DNAI1: variants seen among roughly 807,000 people sequenced by gnomAD.
DNAI1 encodes the protein dynein axonemal intermediate chain 1.
DNAI1 carries 67 observed loss-of-function variants against 92.0 expected under a neutral mutation model. That is an observed-to-expected ratio of 0.73 (90% CI 0.60 to 0.89). The LOEUF is 0.89. DNAI1 is among the 40% of genes least tolerant of loss of function. The pLI is 0.00. For synonymous variants in DNAI1, 323 were observed against 319.6 expected (o/e 1.01, Z -0.11); for missense variants, 839 against 866.6 (o/e 0.97, Z 0.40).
chr9:34,503,340 A>G (rs1457216147), intron 12 of DNAI1, among the ~76,000 whole-genome samples: 1 of 152,094 alleles, frequency 6.6e-6, no homozygotes. Context: ...GACAGAAGGC[A>G]CCCTAGCTGC....
At chr9:34,482,735 C>T (rs1564030605) in intron 1 of DNAI1, among the ~76,000 whole-genome samples, 1 of 152,284 alleles carries the variant, frequency 6.6e-6, no homozygotes, top group Non-Finnish European at 1.5e-5. Context: ...GCAGGTGAAG[C>T]TGCCTGCCAG....
At position 34,458,850 on chromosome 9, in the gene DNAI1, G is replaced by T; in HGVS notation, c.-156G>T. ...AGGGAGTTGGATTCTATCCTGCAAG[G>T]GCACGGGGACCCACAACGACGGCTG... is the stretch of plus-strand genomic sequence containing the variant. On this transcript the variant is annotated 5_prime_UTR_variant, in exon 1 of 20. Coordinates refer to ENST00000242317, the MANE Select transcript of DNAI1 (RefSeq NM_012144.4). This position sits in a 1 kb window ranked among gnomAD's most constrained non-coding sequence, Gnocchi z 6.6. 1.4e-6 allele frequency: 1 copy of T among 722,790 alleles called. No homozygotes were observed. Among genetic ancestry groups the T allele is most frequent in the Non-Finnish European group, 2.5e-6 (1 of 395,178 alleles). The allele number at this position is 722,790 out of a possible 1,614,324, so 44.8% of individuals were successfully genotyped here. A position where few individuals can be genotyped will look rare whatever the true frequency, so the allele number is the denominator to read the frequency against.
chr9:34,467,440 TACACAC>T (rs3039302), intron 1 of DNAI1, among the ~76,000 whole-genome samples: 10,294 of 137,306 alleles, frequency 0.075, 410 homozygotes, highest in Middle Eastern at 0.086. Flanking sequence ...TCTACACAAA[TACACAC>T]ACACACACAC....
At chr9:34,482,929 C>T (rs187503751) in intron 1 of DNAI1, among the ~76,000 whole-genome samples, 2 of 152,234 alleles carry the variant, frequency 1.3e-5, no homozygotes, top group African/African-American at 2.4e-5. Context: ...AGCTAAGGCC[C>T]GGCGAGAAAT....
At chr9:34,479,776 T>G (rs927952782) in intron 1 of DNAI1, among the ~76,000 whole-genome samples, 1 of 152,166 alleles carries the variant, frequency 6.6e-6, no homozygotes, top group African/African-American at 2.4e-5. Context: ...TTCCCATCAT[T>G]GGAAACCTTG....
intron 1 of DNAI1, among the ~76,000 whole-genome samples, chr9:34,461,565 C>A (rs1319977932): frequency 1.3e-5 from 2 of 152,160 alleles, no homozygotes; most frequent in Admixed American, 6.5e-5. Context: ...GGATGGGTTT[C>A]TCTAGCCCAT....
At chr9:34,474,962 G>A (rs139056903) in intron 1 of DNAI1, among the ~76,000 whole-genome samples, 1 of 152,198 alleles carries the variant, frequency 6.6e-6, no homozygotes, top group African/African-American at 2.4e-5. Context: ...ACAAACTTTG[G>A]TACAAAAAGT....
At chr9:34,473,205 A>G (rs1023022890) in intron 1 of DNAI1, among the ~76,000 whole-genome samples, 1 of 151,680 alleles carries the variant, frequency 6.6e-6, no homozygotes, top group Admixed American at 6.6e-5. Flanking sequence ...TTTAATTGAC[A>G]AAATTGTATA....
At chr9:34,501,916 C>G (rs950185555) in intron 12 of DNAI1, among the ~76,000 whole-genome samples, 1 of 152,242 alleles carries the variant, frequency 6.6e-6, no homozygotes, top group African/African-American at 2.4e-5. Flanking sequence ...CTTCATGTTA[C>G]TTGGTCCCAG....
Position 34,501,155 on chromosome 9 carries a change from A to T in DNAI1, c.1037A>T (p.Asp346Val). The change falls in exon 12 of 20, where the codon GAT (aspartate) becomes GTT (valine). Residue 346 changes from aspartate to valine, a missense_variant. Transcript: ENST00000242317. The part of the protein sequence containing the change: ...TALCWNPKYR[D>V]LFAVGYGSYD... ...TTTTGCAGGAATCCAAAGTACAGGG[A>T]TCTGTTTGCAGTGGGATATGGCTCT... is the stretch of plus-strand genomic sequence containing the variant. The T allele has an allele frequency of 6.2e-7, 1 of 1,613,834 alleles. No homozygotes were observed. The highest frequency in any genetic ancestry group is 2.2e-5 in the East Asian group (1 of 44,884).
At chr9:34,496,291 A>G (rs1208713347) in intron 9 of DNAI1, among the ~76,000 whole-genome samples, 1 of 152,210 alleles carries the variant, frequency 6.6e-6, no homozygotes, top group Non-Finnish European at 1.5e-5. Flanking sequence ...TTTCTGAGAC[A>G]TCGAATCCTT....
chr9:34,497,154 A>G lies in DNAI1; in HGVS notation c.856A>G (p.Met286Val). 1 of 1,614,234 alleles carries G rather than the reference A, an allele frequency of 6.2e-7. No individual in the cohort carries two copies. Among genetic ancestry groups the G allele is most frequent in the African/African-American group, 1.3e-5 (1 of 75,072 alleles). The change falls in exon 10 of 20, where the codon ATG (methionine) becomes GTG (valine). Residue 286 changes from methionine to valine, a missense_variant. Coordinates refer to ENST00000242317, the MANE Select transcript of DNAI1 (RefSeq NM_012144.4). ...CAAATTGTCCCAAGCTGCTAAGATC[A>G]TGGAGCGGATGGTCAACCAGAATAC... ...LIKLSQAAKI[M>V]ERMVNQNTYD...
chr9:34,515,098 T>A (rs918171094), intron 18 of DNAI1, among the ~76,000 whole-genome samples: 1 of 152,136 alleles, frequency 6.6e-6, no homozygotes, highest in Non-Finnish European at 1.5e-5. Flanking sequence ...GACTGAATAG[T>A]GTCTATAATG....
chr9:34,503,059 G>T (rs189696687), intron 12 of DNAI1, among the ~76,000 whole-genome samples: 1 of 152,332 alleles, frequency 6.6e-6, no homozygotes, highest in Admixed American at 6.5e-5. Context: ...GAAGGGGGGT[G>T]TGGAGACAGA....
chr9:34,479,519 A>G (rs1281733331), intron 1 of DNAI1, among the ~76,000 whole-genome samples: 1 of 152,212 alleles, frequency 6.6e-6, no homozygotes, highest in Non-Finnish European at 1.5e-5. Flanking sequence ...ATTACACTCA[A>G]ATTGCCTTGT....
At chr9:34,477,508 T>C (rs1313333679) in intron 1 of DNAI1, among the ~76,000 whole-genome samples, 2 of 152,162 alleles carry the variant, frequency 1.3e-5, no homozygotes, top group African/African-American at 4.8e-5. Context: ...GTAGCAGTAA[T>C]TATAATGATA....
At chr9:34,481,689 A>G (rs1047701096) in intron 1 of DNAI1, among the ~76,000 whole-genome samples, 3 of 151,902 alleles carry the variant, frequency 2.0e-5, no homozygotes, top group African/African-American at 7.3e-5. Context: ...GAAGCTGCAG[A>G]CCTTCACGGT....
intron 11 of DNAI1, 47 bp from the exon 12 acceptor site, chr9:34,501,091 G>A: frequency 1.3e-6 from 2 of 1,506,392 alleles, no homozygotes; most frequent in Non-Finnish European, 1.8e-6. Context: ...TCCACAGGAG[G>A]GCCATGTTCA....
rs140820295 is a variant in DNAI1 at position 34,517,414 on chromosome 9, C to T, written c.1948C>T (p.Arg650Cys). The T allele has an allele frequency of 4.3e-4, 698 of 1,614,192 alleles. No individual in the cohort carries two copies. Among genetic ancestry groups the T allele is most frequent in the Admixed American group, 9.5e-4 (57 of 60,032 alleles). Residue 650 changes from arginine to cysteine, a missense_variant, in exon 19 of 20, where the codon CGT becomes TGT. Transcript: ENST00000242317. Reference sequence around the variant, plus strand: ...CCCCATCATCATTGTGGGCGATGACCGTGGGCACATCATCAGCCTCAAGCT... The same window carrying T: ...CCCCATCATCATTGTGGGCGATGACTGTGGGCACATCATCAGCCTCAAGCT... ...IHPIIIVGDD[R>C]GHIISLKLSP...
Sources: gnomAD v4.1 joint callset for allele counts (sites outside exome capture counted in the v4.1 genomes callset) on GRCh38, gnomAD v4.1.1 for gene constraint, Gnocchi (gnomAD v3.1) non-coding constraint, MANE v1.5 for transcripts, NCBI Gene and HGNC (gene_info 2026-07-23, HGNC 2026-07-21) for gene names.